ABCA2: variants seen among roughly 807,000 people sequenced by gnomAD.
ABCA2 encodes the protein ATP binding cassette subfamily A member 2, also known as ATP-binding cassette sub-family A member 2.
ABCA2 carries 84 observed loss-of-function variants against 262.8 expected under a neutral mutation model. That is an observed-to-expected ratio of 0.32 (90% CI 0.27 to 0.38). The LOEUF is 0.38. Among genes scored for constraint, ABCA2 ranks in the 10% least tolerant of loss-of-function variants. The pLI, the probability that ABCA2 is intolerant of heterozygous loss-of-function variation, is 1.00. For synonymous variants in ABCA2, 1,696 were observed against 1,502.9 expected (o/e 1.13, Z -2.97); for missense variants, 2,662 against 3,405.9 (o/e 0.78, Z 5.44).
rs1022832975 is a variant in ABCA2 at position 137,017,180 on chromosome 9, T to G, written c.2553+16A>C. The G allele has an allele frequency of 6.2e-7, 1 of 1,611,692 alleles. No individual in the cohort carries two copies. Among genetic ancestry groups the G allele is most frequent in the African/African-American group, 1.3e-5 (1 of 74,878 alleles). ...TGGCCCGGCACCCCAGCCGCCCGCC[T>G]GCCCGCGACCCTCACCGCGATGCAC... On this transcript the variant is annotated intron_variant, in intron 18 of 48. Coordinates refer to ENST00000341511, the MANE Select transcript of ABCA2 (RefSeq NM_001606.5).
rs1172424926 is a variant in ABCA2 at position 137,007,908 on chromosome 9, C to T, written c.*21G>A. On this transcript the variant is annotated 3_prime_UTR_variant, in exon 49 of 49. Coordinates refer to ENST00000341511, the MANE Select transcript of ABCA2 (RefSeq NM_001606.5). ...CTGGGTGGTCAGTGGAGCGTGTCCTCCCTGGCCCAGCTCTGGGTGGTCAGC... is the reference window on the plus strand; with the variant it reads ...CTGGGTGGTCAGTGGAGCGTGTCCTTCCTGGCCCAGCTCTGGGTGGTCAGC... 4 of 1,604,726 alleles carry T rather than the reference C, an allele frequency of 2.5e-6. No homozygotes were observed. The highest frequency in any genetic ancestry group is 3.4e-6 in the Non-Finnish European group (4 of 1,179,704).
chr9:137,018,081 G>T lies in ABCA2; in HGVS notation c.1994-6C>A. ...GATGGCGCGCTCCATCATGTCTGTG[G>T]GTGGGGGCAGCCATCAGGTGCCGGG... is the stretch of plus-strand genomic sequence containing the variant. On this transcript the variant is annotated splice_region_variant and splice_polypyrimidine_tract_variant and intron_variant, in intron 14 of 48. Transcript: ENST00000341511. 1 of 1,611,996 alleles carries T rather than the reference G, an allele frequency of 6.2e-7. No homozygotes were observed. The highest frequency in any genetic ancestry group is 8.5e-7 in the Non-Finnish European group (1 of 1,179,666).
chr9:137,020,517 C>T (rs1016603294), intron 9 of ABCA2, 22 bp from the exon 10 acceptor site: 33 of 1,564,284 alleles, frequency 2.1e-5, no homozygotes, highest in African/African-American at 4.0e-5. Flanking sequence ...GACAGGGGGC[C>T]GGGCCAGGCC....
In ABCA2 at chr9:137,016,672, C is replaced by T. The variant is rs1322934408; in HGVS notation, c.2825G>A (p.Arg942Gln). 3 of 1,599,196 alleles carry T rather than the reference C, an allele frequency of 1.9e-6. No individual in the cohort carries two copies. The highest frequency in any genetic ancestry group is 2.6e-6 in the Non-Finnish European group (3 of 1,173,338). ...CCAGCTCCACTCCCAGGCTTCTGTCCGCCCACTGCCCAGCCAGTAGGACTT... is the reference window on the plus strand; with the variant it reads ...CCAGCTCCACTCCCAGGCTTCTGTCTGCCCACTGCCCAGCCAGTAGGACTT... ...LQKSYWLGSG[R>Q]TEAWEWSWPW... The change falls in exon 20 of 49, where the codon CGG becomes CAG. Residue 942 changes from arginine (R) to glutamine (Q), a missense_variant. Arg to Gln is a conservative substitution (Grantham distance 43). Transcript: ENST00000341511.
At chr9:137,008,651 G>A (rs369170496) in intron 47 of ABCA2, 29 bp from the exon 48 acceptor site, 30 of 1,584,922 alleles carry the variant, frequency 1.9e-5, no homozygotes, top group Non-Finnish European at 2.3e-5. Flanking sequence ...GTGTGGGGAG[G>A]GGGCTGGTCT....
rs557624943 is a variant in ABCA2, at chr9:137,019,187, C to G, written c.1545G>C (p.Trp515Cys). 1.9e-6 allele frequency: 3 copies of G among 1,612,070 alleles called. No individual in the cohort carries two copies. Residue 515 changes from tryptophan (W) to cysteine (C), a missense_variant, in exon 11 of 49, where the codon TGG (tryptophan) becomes TGC (cysteine). By Grantham distance (215) the Trp-to-Cys change is radical (BLOSUM62 -2). Around this residue, in one of 12 missense-constraint regions of ABCA2, gnomAD observed 187 missense variants for 205.9 expected, o/e 0.91. Transcript: ENST00000341511. This position sits in a 1 kb window ranked among gnomAD's most constrained non-coding sequence, Gnocchi z 4.4. ...CGGGCACCCTTGGCACCTGCTGCAG[C>G]CAGCGCAGGTGTTGCTGCAGCCTGC... ...EQGRLQQHLR[W>C]LQQYVAELRL...
chr9:137,017,367 C>T (rs369401497), intron 17 of ABCA2, 21 bp from the exon 18 acceptor site: 185 of 1,611,472 alleles, frequency 1.1e-4, no homozygotes, highest in Non-Finnish European at 1.5e-4. Flanking sequence ...AGGGGCCACG[C>T]GCACCGTCAT....
rs1830931717 is a variant in ABCA2 at position 137,008,935 on chromosome 9, G to A, written c.6930+16C>T. 1 of 1,368,086 alleles carries A rather than the reference G, an allele frequency of 7.3e-7. No individual in the cohort carries two copies. The highest frequency in any genetic ancestry group is 1.3e-5 in the South Asian group (1 of 78,272). 84.7% of individuals were successfully genotyped at this position (1,368,086 alleles called of 1,614,324 possible). On this transcript the variant is annotated intron_variant, in intron 46 of 48. Coordinates refer to ENST00000341511, the MANE Select transcript of ABCA2 (RefSeq NM_001606.5). ...CCCGTAGCGCCCCCTCCACAACCCT[G>A]CCCGGGACGGCGCACCTTGAGCATG...
chr9:137,012,237 CCGCCCCGCCCTGCCT>C lies in ABCA2; in HGVS notation c.5299+13_5299+27del, dbSNP rs773706404. ...GCCCCGGCCCCAGCTCCTCCCCGCC[CCGCCCCGCCCTGCCT>C]ATGTCAGCTCACCGTAAGCCGCCGG... is the stretch of plus-strand genomic sequence containing the variant. On this transcript the variant is annotated intron_variant, in intron 33 of 48. Transcript: ENST00000341511. 6.3e-7 allele frequency: 1 copy of C among 1,587,138 alleles called. No individual in the cohort carries two copies. Among genetic ancestry groups the C allele is most frequent in the East Asian group, 2.3e-5 (1 of 43,776 alleles).
rs1039696801 is a variant in ABCA2, at chr9:137,012,112, G to C, written c.5350C>G (p.Leu1784Val). ...ACTGGCCACACTTACAGGTAATCCA[G>C]GGAGAGGCTGGCGCTGGTCTTATTC... is the stretch of plus-strand genomic sequence containing the variant. ...PMNKTSASLS[L>V]DYLLQGTDVV... The change falls in exon 34 of 49, where the codon CTG (leucine) becomes GTG (valine). Residue 1784 changes from leucine to valine, a missense_variant. Physicochemically the swap from Leu to Val is conservative, Grantham distance 32 (BLOSUM62 1). Around this residue, in one of 12 missense-constraint regions of ABCA2, gnomAD observed 602 missense variants for 897.4 expected, o/e 0.67. Transcript: ENST00000341511. The C allele has an allele frequency of 6.2e-7, 1 of 1,612,676 alleles. No individual in the cohort carries two copies. Among genetic ancestry groups the C allele is most frequent in the South Asian group, 1.1e-5 (1 of 91,080 alleles).
At chr9:137,018,616 A>G (rs1307188699) in intron 13 of ABCA2, 103 bp downstream of exon 13, 1 of 812,452 alleles carries the variant, frequency 1.2e-6, no homozygotes, top group Non-Finnish European at 1.8e-6. Context: ...GGGGAAGGCC[A>G]GGGCGCGGCC....
At chr9:137,023,661 T>A (rs918805871) in intron 3 of ABCA2, 177 bp downstream of exon 3, 4 of 684,726 alleles carry the variant, frequency 5.8e-6, no homozygotes, top group Non-Finnish European at 1.1e-5. Context: ...TTTCACTCCC[T>A]ACCACCTCCC....
In ABCA2 at chr9:137,016,985, G is replaced by A; in HGVS notation, c.2693C>T (p.Thr898Ile). 6.2e-7 allele frequency: 1 copy of A among 1,612,812 alleles called. No homozygotes were observed. Among genetic ancestry groups the A allele is most frequent in the Non-Finnish European group, 8.5e-7 (1 of 1,179,992 alleles). The change falls in exon 19 of 49, where the codon ACC (threonine) becomes ATC (isoleucine). Residue 898 changes from threonine to isoleucine, a missense_variant. Thr to Ile is a moderately conservative substitution (Grantham distance 89). This residue lies in a region of ABCA2 where 188 missense variants were observed against 343.4 expected (regional missense o/e 0.55). Transcript: ENST00000341511. Reference sequence around the variant, plus strand: ...GACCACGGCGTCCACCATCAGCATGGTGACAGCCAGGAGCAAGTTGAAGTC... The same window carrying A: ...GACCACGGCGTCCACCATCAGCATGATGACAGCCAGGAGCAAGTTGAAGTC... ...GDDFNLLLAVTMLMVDAVVYG... is the reference protein window; with the variant it reads ...GDDFNLLLAVIMLMVDAVVYG...
chr9:137,018,466 C>A, intron 13 of ABCA2, 115 bp from the exon 14 acceptor site: 1 of 771,310 alleles, frequency 1.3e-6, no homozygotes, highest in East Asian at 3.2e-5. Context: ...ACAGGAGGGT[C>A]CAGGGAAAGG....
chr9:137,028,645 G>A (rs900855806), upstream of ABCA2: 60 of 1,117,780 alleles, frequency 5.4e-5, no homozygotes, highest in Non-Finnish European at 6.7e-5. The surrounding 1 kb of genome is among the most constrained non-coding windows in gnomAD (Gnocchi z 6.9). Context: ...CGCTGGCGAG[G>A]GGCCAGCTCA....
At chr9:137,010,923 A>G (rs1329249817) in intron 39 of ABCA2, 50 bp downstream of exon 39, 1 of 244,890 alleles carries the variant, frequency 4.1e-6, no homozygotes, top group Non-Finnish European at 7.0e-6. Context: ...CCACCCCCGA[A>G]CCCATCCCTG....
In ABCA2 at chr9:137,013,878, G is replaced by A; in HGVS notation, c.4401C>T (p.Phe1467=). 2 of 1,612,240 alleles carry A rather than the reference G, an allele frequency of 1.2e-6. No individual in the cohort carries two copies. Among genetic ancestry groups the A allele is most frequent in the South Asian group, 1.1e-5 (1 of 91,024 alleles). The stretch of plus-strand genomic sequence containing the variant: ...CCACGGTCATGGCCACGCAGACGAA[G>A]AAGGCTGGCAGCAAGATCTGGGAGA... The part of the protein sequence containing the change: ...ALFSQILLPA[F]FVCVAMTVAL... The change falls in exon 28 of 49, where the codon TTC becomes TTT. Residue 1467 remains phenylalanine, a synonymous_variant. Coordinates refer to ENST00000341511, the MANE Select transcript of ABCA2 (RefSeq NM_001606.5).
rs573886542 is a variant in ABCA2 at position 137,007,364 on chromosome 9, C to T, written c.*565G>A. 4.2e-4 allele frequency: 67 copies of T among 161,154 alleles called. 2 individuals are homozygous for T. Among genetic ancestry groups the T allele is most frequent in the East Asian group, 7.6e-4 (4 of 5,290 alleles). The allele number at this position is 161,154 out of a possible 1,614,324, so 10.0% of individuals were successfully genotyped here. On this transcript the variant is annotated 3_prime_UTR_variant, in exon 49 of 49. Coordinates refer to ENST00000341511, the MANE Select transcript of ABCA2 (RefSeq NM_001606.5). ...CAGCTGGGGGTTGGGGGGGGTCTGG[C>T]CCCTTGCCTGGCCAGCAGGGTCAGC...
chr9:137,010,498 G>A (rs1466338934), intron 40 of ABCA2, 122 bp downstream of exon 40: 1 of 1,089,322 alleles, frequency 9.2e-7, no homozygotes, highest in Non-Finnish European at 1.2e-6. Flanking sequence ...CCCACCCCAT[G>A]CAGGCCCCAC....
Sources: allele counts gnomAD v4.1 joint callset, GRCh38; gene constraint gnomAD v4.1.1; regional missense constraint gnomAD v4.1.1; non-coding constraint Gnocchi (gnomAD v3.1); transcripts MANE v1.5; gene names NCBI Gene and HGNC (gene_info 2026-07-23, HGNC 2026-07-21).